The following MS4A4A variants were observed in gnomAD, a reference collection of about 807,000 sequenced individuals.
The protein encoded by MS4A4A is membrane spanning 4-domains A4A, also known as membrane-spanning 4-domains subfamily A member 4A.
A neutral mutation model predicts 28.0 loss-of-function variants in MS4A4A; 26 were observed. That is an observed-to-expected ratio of 0.93 (90% CI 0.68 to 1.29). MS4A4A has a LOEUF of 1.29. Ranked by LOEUF, MS4A4A falls within the 50% of genes most tolerant of loss-of-function variation. The pLI is 0.00. For synonymous variants in MS4A4A, 86 were observed against 100.8 expected (o/e 0.85, Z 0.88); for missense variants, 290 against 293.1 (o/e 0.99, Z 0.08).
At chr11:60,299,903 G>A (rs995070991) in intron 3 of MS4A4A, among the ~76,000 whole-genome samples, 1 of 152,058 alleles carries the variant, frequency 6.6e-6, no homozygotes, top group African/African-American at 2.4e-5. Flanking sequence ...GTGTAAATTA[G>A]AATATTTCAA....
intron 2 of MS4A4A, among the ~76,000 whole-genome samples, chr11:60,295,776 GTGA>G (rs1478143692): frequency 1.3e-5 from 2 of 152,082 alleles, no homozygotes; most frequent in Non-Finnish European, 2.9e-5. Flanking sequence ...GCCTGTTGAT[GTGA>G]TGAATACATT....
At chr11:60,285,700 G>A (rs778511734) in intron 1 of MS4A4A, among the ~76,000 whole-genome samples, 1 of 152,122 alleles carries the variant, frequency 6.6e-6, no homozygotes, top group Non-Finnish European at 1.5e-5. Context: ...TTCAAAAGAC[G>A]AGGAATGTAC....
intron 5 of MS4A4A, among the ~76,000 whole-genome samples, chr11:60,305,233 T>A (rs572906820): frequency 2.9e-4 from 44 of 152,366 alleles, no homozygotes; most frequent in African/African-American, 1.0e-3. Context: ...ACCTACTTGA[T>A]GTTCATTGTT....
At chr11:60,285,201 G>A (rs1590749775) in intron 1 of MS4A4A, among the ~76,000 whole-genome samples, 1 of 152,248 alleles carries the variant, frequency 6.6e-6, no homozygotes, top group East Asian at 1.9e-4. Context: ...CATTGTCTGT[G>A]TTAAAAATCT....
chr11:60,293,612 A>G (rs1282042039), intron 2 of MS4A4A, among the ~76,000 whole-genome samples: 1 of 152,184 alleles, frequency 6.6e-6, no homozygotes, highest in Non-Finnish European at 1.5e-5. Flanking sequence ...ATATGAATCT[A>G]CCTTTGTAGT....
Position 60,297,210 on chromosome 11 carries a change from T to C in MS4A4A, c.215T>C (p.Leu72Pro). 1.2e-6 allele frequency: 2 copies of C among 1,613,364 alleles called. No homozygotes were observed. Among genetic ancestry groups the C allele is most frequent in the Non-Finnish European group, 1.7e-6 (2 of 1,179,520 alleles). ...EPKVLGVVQILTALMSLSMGI... is the reference protein window; with the variant it reads ...EPKVLGVVQIPTALMSLSMGI... ...CACCATTTTTAGGTTGTGCAGATTC[T>C]GACTGCCCTGATGAGCCTTAGCATG... The change falls in exon 3 of 7, where the codon CTG (leucine) becomes CCG (proline). Residue 72 changes from leucine to proline, a missense_variant. By Grantham distance (98) the Leu-to-Pro change is moderately conservative. Transcript: ENST00000337908.
rs73487290 is a variant in MS4A4A, at chr11:60,289,174, A to T, written c.42-3051A>T. Among the ~76,000 whole-genome samples the T allele has an allele frequency of 3.7e-3, 557 of 152,296 alleles. 3 individuals are homozygous for T. Among genetic ancestry groups the T allele is most frequent in the African/African-American group, 0.013 (547 of 41,558 alleles). ...CAGTGATTCGTTTCCAAGAAGGGGCAACACAGTAGCAGCTCAGGCCATGGA... is the reference window on the plus strand; with the variant it reads ...CAGTGATTCGTTTCCAAGAAGGGGCTACACAGTAGCAGCTCAGGCCATGGA... On this transcript the variant is annotated intron_variant, in intron 1 of 6. Coordinates refer to ENST00000337908, the MANE Select transcript of MS4A4A (RefSeq NM_148975.3).
intron 1 of MS4A4A, among the ~76,000 whole-genome samples, chr11:60,287,325 T>C (rs1379952057): frequency 2.0e-5 from 3 of 152,118 alleles, no homozygotes; most frequent in East Asian, 1.9e-4. Flanking sequence ...TGAAGGAAAG[T>C]GGAAGTGAGC....
intron 5 of MS4A4A, among the ~76,000 whole-genome samples, chr11:60,304,705 T>C (rs2084982502): frequency 6.6e-6 from 1 of 152,192 alleles, no homozygotes; most frequent in Admixed American, 6.5e-5. Context: ...TATTGTGGAG[T>C]GCTGCTTTCG....
intron 1 of MS4A4A, chr11:60,290,241 C>G (rs561404329): frequency 3.6e-6 from 1 of 274,398 alleles, no homozygotes; most frequent in Non-Finnish European, 7.7e-6. Flanking sequence ...GGATTATAAA[C>G]AGTAATTTAT....
intron 1 of MS4A4A, among the ~76,000 whole-genome samples, chr11:60,291,796 C>CAAAAAAAAA (rs60913455): frequency 1.5e-5 from 2 of 133,936 alleles, no homozygotes; most frequent in African/African-American, 2.9e-5. Flanking sequence ...GACTCCATCT[C>CAAAAAAAAA]AAAAAAAAAA....
chr11:60,308,384 A>G lies in MS4A4A; in HGVS notation c.*206A>G, dbSNP rs1364780651. The G allele has an allele frequency of 8.2e-6, 4 of 490,724 alleles. No homozygotes were observed. The highest frequency in any genetic ancestry group is 3.8e-4 in the Middle Eastern group (1 of 2,604). 30.4% of individuals were successfully genotyped at this position (490,724 alleles called of 1,614,324 possible). A position where few individuals can be genotyped will look rare whatever the true frequency, so the allele number is the denominator to read the frequency against. ...TTCTCATTTTTTTCCCTGGAACTCA[A>G]TAACTCATTTCACTGGCTCTTTATC... On this transcript the variant is annotated 3_prime_UTR_variant, in exon 7 of 7. Transcript: ENST00000337908.
chr11:60,300,986 T>C lies in MS4A4A; in HGVS notation c.331-15T>C. On this transcript the variant is annotated splice_polypyrimidine_tract_variant and intron_variant, in intron 3 of 6. Transcript: ENST00000337908. Reference sequence around the variant, plus strand: ...GCTTAAAGTTTTTTACCTTCATTTTTTCTCTCATTTTTAGTTTATTATTTC... The same window carrying C: ...GCTTAAAGTTTTTTACCTTCATTTTCTCTCTCATTTTTAGTTTATTATTTC... 1 of 1,589,288 alleles carries C rather than the reference T, an allele frequency of 6.3e-7. No individual in the cohort carries two copies. The highest frequency in any genetic ancestry group is 8.6e-7 in the Non-Finnish European group (1 of 1,166,148).
chr11:60,289,611 G>T (rs1337575229), intron 1 of MS4A4A, among the ~76,000 whole-genome samples: 2 of 146,242 alleles, frequency 1.4e-5, no homozygotes, highest in East Asian at 2.0e-4. Flanking sequence ...GTGTGTGTGT[G>T]TGTGTGTGTG....
intron 4 of MS4A4A, among the ~76,000 whole-genome samples, chr11:60,301,330 C>T (rs372861848): frequency 3.3e-5 from 5 of 151,962 alleles, no homozygotes; most frequent in East Asian, 3.9e-4. Context: ...CAAGTGGGAC[C>T]GCTCCAACAA....
In MS4A4A at chr11:60,300,943, T is replaced by A. The variant is rs1179290678; in HGVS notation, c.331-58T>A. On this transcript the variant is annotated intron_variant, in intron 3 of 6. Coordinates refer to ENST00000337908, the MANE Select transcript of MS4A4A (RefSeq NM_148975.3). ...CTAATTTAGAATTAAGTTTAGTAAG[T>A]TATGACTCCCAATACTGGCTTAAAG... 3 of 1,271,986 alleles carry A rather than the reference T, an allele frequency of 2.4e-6. No individual in the cohort carries two copies. In the East Asian group the frequency reaches 7.2e-5, roughly 31 times the overall value. The allele number at this position is 1,271,986 out of a possible 1,614,324, so 78.8% of individuals were successfully genotyped here.
At chr11:60,307,983 G>C in intron 6 of MS4A4A, 124 bp from the exon 7 acceptor site, 1 of 864,862 alleles carries the variant, frequency 1.2e-6, no homozygotes, top group East Asian at 2.4e-5. Flanking sequence ...CCACATACTT[G>C]ATCTTGAGAA....
chr11:60,284,384 T>C (rs2084784856), intron 1 of MS4A4A, among the ~76,000 whole-genome samples: 1 of 152,218 alleles, frequency 6.6e-6, no homozygotes, highest in Non-Finnish European at 1.5e-5. Context: ...TAACACTTCC[T>C]GCCACTCAAG....
chr11:60,288,791 AC>A (rs2135014291), intron 1 of MS4A4A, among the ~76,000 whole-genome samples: 1 of 151,978 alleles, frequency 6.6e-6, no homozygotes, highest in East Asian at 1.9e-4. Flanking sequence ...TATAGAAATG[AC>A]CCCCTGGGGA....
Sources: gnomAD v4.1 joint callset for allele counts (sites outside exome capture counted in the v4.1 genomes callset) on GRCh38, gnomAD v4.1.1 for gene constraint, MANE v1.5 for transcripts, NCBI Gene and HGNC (gene_info 2026-07-23, HGNC 2026-07-21) for gene names.